The following DRD2 variants were observed in gnomAD, a reference collection of about 807,000 sequenced individuals.
DRD2 encodes the protein dopamine receptor D2, also known as D(2) dopamine receptor.
DRD2 carries 8 observed loss-of-function variants against 38.0 expected under a neutral mutation model. The observed-to-expected ratio is 0.21, with a 90% CI of 0.12 to 0.38. The LOEUF is 0.38. DRD2 is among the 10% of genes least tolerant of loss of function. The pLI, the probability that DRD2 is intolerant of heterozygous loss-of-function variation, is 1.00. For synonymous variants in DRD2, 230 were observed against 238.6 expected (o/e 0.96, Z 0.33); for missense variants, 403 against 607.7 (o/e 0.66, Z 3.54).
intron 2 of DRD2, among the ~76,000 whole-genome samples, chr11:113,418,515 A>T (rs371633192): frequency 6.6e-6 from 1 of 152,108 alleles, no homozygotes; most frequent in Non-Finnish European, 1.5e-5. Flanking sequence ...ATATTTTTCT[A>T]TCTTCTCTGA....
chr11:113,439,695 C>G (rs1184016851), intron 1 of DRD2, among the ~76,000 whole-genome samples: 4 of 151,188 alleles, frequency 2.6e-5, no homozygotes, highest in Non-Finnish European at 5.9e-5. Context: ...CAAAAATTAG[C>G]CTGGGTGGAG....
chr11:113,412,703 C>T lies in DRD2; in HGVS notation c.991G>A (p.Ala331Thr), dbSNP rs1479691191. The change falls in exon 7 of 8, where the codon GCC becomes ACC. Residue 331 changes from alanine (A) to threonine (T), a missense_variant. Around this residue, in one of 4 missense-constraint regions of DRD2, gnomAD observed 166 missense variants for 178.6 expected, o/e 0.93. Coordinates refer to ENST00000362072, the MANE Select transcript of DRD2 (RefSeq NM_000795.4). ...TTGGCAATCTTGGGGTGGTCTTTGG[C>T]ATGCCCATTCTTCTCTGGTTTGGCG... ...SPAKPEKNGHAKDHPKIAKIF... is the reference protein window; with the variant it reads ...SPAKPEKNGHTKDHPKIAKIF... The T allele has an allele frequency of 1.2e-6, 2 of 1,614,104 alleles. No individual in the cohort carries two copies.
chr11:113,472,277 C>T (rs1044084087), intron 1 of DRD2, among the ~76,000 whole-genome samples: 1 of 152,200 alleles, frequency 6.6e-6, no homozygotes, highest in Non-Finnish European at 1.5e-5. Context: ...AGATGGAAAC[C>T]ATTCTCTCCA....
intron 2 of DRD2, among the ~76,000 whole-genome samples, chr11:113,421,601 C>T (rs1477328082): frequency 6.0e-5 from 7 of 117,070 alleles, no homozygotes; most frequent in East Asian, 1.9e-4. Context: ...CCAAAACCAG[C>T]GTGCTTTTCA....
At chr11:113,416,442 GGCCC>G (rs1950827683) in intron 4 of DRD2, among the ~76,000 whole-genome samples, 1 of 152,226 alleles carries the variant, frequency 6.6e-6, no homozygotes, top group Admixed American at 6.5e-5. Flanking sequence ...GGGTTTAGCA[GGCCC>G]TGAGGGCTGC....
rs892573174 is a variant in DRD2, at chr11:113,424,665, C to A, written c.-14G>T. On this transcript the variant is annotated 5_prime_UTR_variant, in exon 2 of 8. Transcript: ENST00000362072. ...CAGTGGATCCATCAGGGCGGTGGAG[C>A]CACTGGGTGGCCAGGCTCTGGCCAG... is the stretch of plus-strand genomic sequence containing the variant. 1.9e-6 allele frequency: 3 copies of A among 1,613,828 alleles called. No homozygotes were observed. Among genetic ancestry groups the A allele is most frequent in the Non-Finnish European group, 2.5e-6 (3 of 1,180,034 alleles).
At chr11:113,446,075 G>A (rs1327751404) in intron 1 of DRD2, among the ~76,000 whole-genome samples, 1 of 152,140 alleles carries the variant, frequency 6.6e-6, no homozygotes, top group Non-Finnish European at 1.5e-5. Context: ...CTTGCTTCCT[G>A]CCAGACCTCA....
At chr11:113,431,329 G>T (rs960931313) in intron 1 of DRD2, among the ~76,000 whole-genome samples, 1 of 152,214 alleles carries the variant, frequency 6.6e-6, no homozygotes, top group Non-Finnish European at 1.5e-5. Context: ...GGTAATTGCT[G>T]CTCCTCATTC....
At chr11:113,432,567 A>G (rs1950997961) in intron 1 of DRD2, among the ~76,000 whole-genome samples, 2 of 152,308 alleles carry the variant, frequency 1.3e-5, no homozygotes, top group South Asian at 4.1e-4. Flanking sequence ...CCTGTCTTAA[A>G]CACATCATTT....
At chr11:113,469,191 C>T (rs936094748) in intron 1 of DRD2, among the ~76,000 whole-genome samples, 1 of 152,036 alleles carries the variant, frequency 6.6e-6, no homozygotes, top group African/African-American at 2.4e-5. Flanking sequence ...CCTGCTCCTG[C>T]CGCCCTCCCT....
intron 1 of DRD2, among the ~76,000 whole-genome samples, chr11:113,434,020 T>C (rs1244391844): frequency 1.3e-5 from 2 of 152,124 alleles, no homozygotes; most frequent in Non-Finnish European, 2.9e-5. Context: ...GGGCTCAGCA[T>C]AGCACACCCT....
chr11:113,428,630 T>C lies in DRD2; in HGVS notation c.-31-3948A>G, dbSNP rs538838456. 6.8e-5 allele frequency among the ~76,000 whole-genome samples: 10 copies of C among 146,664 alleles called. No individual in the cohort carries two copies. The East Asian group carries it at 1.7e-3, about 26-fold the overall frequency. ...AGGGAGGATGTAAACTGGGATTTAA[T>C]TTTTTTTTAATAGAGACAGAATCCC... is the stretch of plus-strand genomic sequence containing the variant. On this transcript the variant is annotated intron_variant, in intron 1 of 7. Transcript: ENST00000362072.
chr11:113,452,062 C>G (rs1006974167), intron 1 of DRD2, among the ~76,000 whole-genome samples: 2 of 152,110 alleles, frequency 1.3e-5, no homozygotes, highest in Non-Finnish European at 2.9e-5. Flanking sequence ...GCCCAAGAGG[C>G]CTGCAGGAAA....
intron 1 of DRD2, among the ~76,000 whole-genome samples, chr11:113,460,779 A>G (rs1297583177): frequency 6.6e-6 from 1 of 152,212 alleles, no homozygotes; most frequent in Non-Finnish European, 1.5e-5. Flanking sequence ...CTGCCCAGGG[A>G]TGAAGACGAG....
chr11:113,468,582 C>G (rs538035348), intron 1 of DRD2, among the ~76,000 whole-genome samples: 34 of 152,126 alleles, frequency 2.2e-4, no homozygotes, highest in Non-Finnish European at 4.1e-4. Flanking sequence ...GAGTCTCGTT[C>G]TGCCACCCAG....
At chr11:113,461,669 C>T (rs1365432212) in intron 1 of DRD2, among the ~76,000 whole-genome samples, 2 of 152,122 alleles carry the variant, frequency 1.3e-5, no homozygotes, top group African/African-American at 2.4e-5. Flanking sequence ...CTTGGCCTAC[C>T]GGAGTTCAGT....
intron 2 of DRD2, among the ~76,000 whole-genome samples, chr11:113,419,060 C>T (rs17505337): frequency 1.3e-5 from 2 of 152,190 alleles, no homozygotes; most frequent in Admixed American, 6.5e-5. Flanking sequence ...AACTGAGAAC[C>T]AATGAGGAAA....
intron 1 of DRD2, among the ~76,000 whole-genome samples, chr11:113,469,543 A>G (rs1321398391): frequency 6.6e-6 from 1 of 152,192 alleles, no homozygotes; most frequent in African/African-American, 2.4e-5. Flanking sequence ...TGTGCAAACC[A>G]CTTACCTTTC....
intron 1 of DRD2, among the ~76,000 whole-genome samples, chr11:113,458,331 T>A (rs1951285899): frequency 6.6e-6 from 1 of 152,164 alleles, no homozygotes. Context: ...TTTTATTGCA[T>A]ATGTAATCTC....
Sources: allele counts gnomAD v4.1 joint callset (sites outside exome capture counted in the v4.1 genomes callset), GRCh38; gene constraint gnomAD v4.1.1; regional missense constraint gnomAD v4.1.1; transcripts MANE v1.5; gene names NCBI Gene and HGNC (gene_info 2026-07-23, HGNC 2026-07-21).